Variants in ANKFN1 observed in about 807,000 individuals in gnomAD.
The protein encoded by ANKFN1 is ankyrin repeat and fibronectin type-III domain-containing protein 1.
In ANKFN1, 74 loss-of-function variants were observed where a neutral mutation model predicts 108.7. The ratio of observed to expected loss-of-function variants is 0.68; its 90% CI spans 0.56 to 0.83. The LOEUF (loss-of-function observed/expected upper bound fraction) is 0.83, where lower values mean the gene tolerates loss of function less well. Among genes scored for constraint, ANKFN1 ranks in the 40% least tolerant of loss-of-function variants. The pLI is 0.00. For missense variants in ANKFN1, 1,505 were observed against 1,382.3 expected (o/e 1.09, Z -1.41); for synonymous variants, 547 against 516.2 (o/e 1.06, Z -0.81).
At chr17:56,277,036 G>A (rs1046352961) in intron 3 of ANKFN1, among the ~76,000 whole-genome samples, 4 of 152,070 alleles carry the variant, frequency 2.6e-5, no homozygotes, top group African/African-American at 7.2e-5. Context: ...GTGTTTATGG[G>A]TTACCCCCAC....
chr17:56,176,942 T>G (rs1911217347), intron 1 of ANKFN1, among the ~76,000 whole-genome samples: 1 of 152,102 alleles, frequency 6.6e-6, no homozygotes, highest in Admixed American at 6.5e-5. Context: ...CACTTGCTAT[T>G]CCCCTAAAGA....
intron 4 of ANKFN1, among the ~76,000 whole-genome samples, chr17:56,332,999 A>C (rs1166092750): frequency 2.1e-5 from 3 of 142,878 alleles, no homozygotes; most frequent in Admixed American, 7.1e-5. Context: ...ATATATATAT[A>C]TCTTCTTTAA....
rs867113430 is a variant in ANKFN1, at chr17:56,506,347, C to G, written c.2645-4126C>G. 2.0e-5 allele frequency among the ~76,000 whole-genome samples: 3 copies of G among 152,048 alleles called. No homozygotes were observed. In the South Asian group the frequency reaches 6.2e-4, roughly 32 times the overall value. The stretch of plus-strand genomic sequence containing the variant: ...TCATCCTGGATTATATGGGTGGATC[C>G]TACACCCAATGAAAAGTTCCCTTAT... On this transcript the variant is annotated intron_variant, in intron 20 of 20. Coordinates refer to ENST00000682825, the MANE Select transcript of ANKFN1 (RefSeq NM_001370326.1).
intron 6 of ANKFN1, among the ~76,000 whole-genome samples, chr17:56,358,830 A>C (rs1264642157): frequency 6.6e-6 from 1 of 152,136 alleles, no homozygotes; most frequent in African/African-American, 2.4e-5. Flanking sequence ...CAATTGAACA[A>C]CTGCTATCAA....
intron 7 of ANKFN1, among the ~76,000 whole-genome samples, chr17:56,373,509 A>G (rs1420261318): frequency 6.6e-6 from 1 of 152,256 alleles, no homozygotes; most frequent in African/African-American, 2.4e-5. Context: ...CTAGAAGGAG[A>G]TCGTAACTAA....
At chr17:56,274,445 C>T (rs1378833496) in intron 3 of ANKFN1, among the ~76,000 whole-genome samples, 2 of 152,114 alleles carry the variant, frequency 1.3e-5, no homozygotes, top group African/African-American at 4.8e-5. Flanking sequence ...TACACTCCAG[C>T]CTGGGCGACA....
intron 4 of ANKFN1, among the ~76,000 whole-genome samples, chr17:56,109,139 GCAT>G (rs1295137442): frequency 6.6e-6 from 1 of 152,148 alleles, no homozygotes; most frequent in Non-Finnish European, 1.5e-5. Flanking sequence ...GATAATCACT[GCAT>G]CTACCACTGT....
intron 3 of ANKFN1, among the ~76,000 whole-genome samples, chr17:56,315,790 A>G (rs1487619281): frequency 6.6e-6 from 1 of 152,178 alleles, no homozygotes; most frequent in Non-Finnish European, 1.5e-5. Context: ...CAAAATGAAG[A>G]AAGGGAATTT....
At position 56,184,871 on chromosome 17, in the gene ANKFN1, G is replaced by A. The variant is rs954932448; in HGVS notation, c.-70-27727G>A. ...ACCAGAACTCCCCCTCAGCTGTTACGCCAGAGTGTTAAAGTACTGTGCTGT... is the reference window on the plus strand; with the variant it reads ...ACCAGAACTCCCCCTCAGCTGTTACACCAGAGTGTTAAAGTACTGTGCTGT... On this transcript the variant is annotated intron_variant, in intron 1 of 20. Coordinates refer to ENST00000682825, the MANE Select transcript of ANKFN1 (RefSeq NM_001370326.1). The A allele has an allele frequency of 4.6e-5, 7 of 152,230 alleles. No individual in the cohort carries two copies. In the East Asian group the frequency reaches 9.6e-4, roughly 21 times the overall value. 9.4% of individuals were successfully genotyped at this position (152,230 alleles called of 1,614,324 possible). A position where few individuals can be genotyped will look rare whatever the true frequency, so the allele number is the denominator to read the frequency against.
intron 3 of ANKFN1, among the ~76,000 whole-genome samples, chr17:56,316,253 T>C (rs928905935): frequency 2.0e-5 from 3 of 152,188 alleles, no homozygotes; most frequent in Non-Finnish European, 2.9e-5. Flanking sequence ...TTAACTTCCT[T>C]GCTTCTCTTG....
At chr17:56,100,602 A>C (rs1433931555) in intron 4 of ANKFN1, among the ~76,000 whole-genome samples, 1 of 152,168 alleles carries the variant, frequency 6.6e-6, no homozygotes, top group African/African-American at 2.4e-5. Context: ...TCTATTTCTA[A>C]AGTTAATTCC....
At chr17:56,458,011 A>G (rs369825773) in intron 14 of ANKFN1, 32 bp downstream of exon 14, 3 of 1,571,470 alleles carry the variant, frequency 1.9e-6, no homozygotes, top group African/African-American at 1.4e-5. Context: ...CAGGCCCCCA[A>G]GGAAAATATT....
intron 1 of ANKFN1, among the ~76,000 whole-genome samples, chr17:56,183,425 G>A (rs1293980595): frequency 6.6e-6 from 1 of 152,210 alleles, no homozygotes; most frequent in Non-Finnish European, 1.5e-5. Context: ...CAGTGTTGGA[G>A]GTGGAGCTTA....
chr17:56,360,237 GT>G (rs2046481270), intron 6 of ANKFN1, among the ~76,000 whole-genome samples: 1 of 152,076 alleles, frequency 6.6e-6, no homozygotes, highest in South Asian at 2.1e-4. Flanking sequence ...CCTCCATTCT[GT>G]TCCTGTAACA....
At chr17:56,246,999 T>G (rs1466519584) in intron 3 of ANKFN1, among the ~76,000 whole-genome samples, 1 of 152,228 alleles carries the variant, frequency 6.6e-6, no homozygotes, top group African/African-American at 2.4e-5. Flanking sequence ...CAAAAGAACA[T>G]CAAGCTGAAG....
At chr17:56,047,375 A>G (rs1904697781) in intron 4 of ANKFN1, among the ~76,000 whole-genome samples, 1 of 152,108 alleles carries the variant, frequency 6.6e-6, no homozygotes, top group Non-Finnish European at 1.5e-5. Flanking sequence ...AGAACGAAGG[A>G]GCACGGGAGG....
At chr17:56,405,289 T>C (rs1045332386) in intron 8 of ANKFN1, among the ~76,000 whole-genome samples, 1 of 152,150 alleles carries the variant, frequency 6.6e-6, no homozygotes, top group African/African-American at 2.4e-5. Context: ...AAAAAGATGT[T>C]CAAACTTTCT....
intron 15 of ANKFN1, among the ~76,000 whole-genome samples, chr17:56,474,058 T>C (rs559477018): frequency 4.6e-5 from 7 of 152,318 alleles, no homozygotes; most frequent in Middle Eastern, 3.4e-3. Flanking sequence ...CATAGGGTCA[T>C]TTAGAACTTT....
chr17:56,050,859 C>G (rs1468839365), intron 4 of ANKFN1, among the ~76,000 whole-genome samples: 1 of 151,768 alleles, frequency 6.6e-6, no homozygotes, highest in East Asian at 1.9e-4. Flanking sequence ...TCTCCCAAGA[C>G]TAAACCAGGA....
Sources: gnomAD v4.1 joint callset for allele counts (sites outside exome capture counted in the v4.1 genomes callset) on GRCh38, gnomAD v4.1.1 for gene constraint, MANE v1.5 for transcripts, NCBI Gene and HGNC (gene_info 2026-07-23, HGNC 2026-07-21) for gene names.